RERE: variants seen among roughly 807,000 people sequenced by gnomAD.
RERE encodes arginine-glutamic acid dipeptide repeats protein.
RERE carries 40 observed loss-of-function variants against 146.1 expected under a neutral mutation model. The ratio of observed to expected loss-of-function variants is 0.27; its 90% CI spans 0.21 to 0.36. The LOEUF is 0.36. RERE is among the 10% of genes least tolerant of loss of function. The pLI is 1.00. For synonymous variants in RERE, 1,003 were observed against 866.0 expected, an observed-to-expected ratio of 1.16 and a Z score of -2.78; for missense variants, 1,933 against 2,138.7, an observed-to-expected ratio of 0.90 and a Z score of 1.90.
At chr1:8,702,465 C>G (rs947228546) in intron 1 of RERE, among the ~76,000 whole-genome samples, 1 of 152,204 alleles carries the variant, frequency 6.6e-6, no homozygotes, top group Non-Finnish European at 1.5e-5. Context: ...GCATCCCACA[C>G]TAAAAAATTC....
intron 1 of RERE, among the ~76,000 whole-genome samples, chr1:8,722,793 G>A (rs936111493): frequency 6.6e-6 from 1 of 152,134 alleles, no homozygotes; most frequent in East Asian, 1.9e-4. Flanking sequence ...ATGTGCATAG[G>A]TTACATGCAA....
intron 10 of RERE, among the ~76,000 whole-genome samples, chr1:8,492,673 G>A (rs1644993713): frequency 6.6e-6 from 1 of 152,168 alleles, no homozygotes; most frequent in Non-Finnish European, 1.5e-5. Context: ...GCCGAGGCAG[G>A]AGGATCACTT....
At chr1:8,669,030 G>C (rs1570588116) in intron 1 of RERE, among the ~76,000 whole-genome samples, 1 of 94,926 alleles carries the variant, frequency 1.1e-5, no homozygotes, top group Non-Finnish European at 2.0e-5. Flanking sequence ...AACTCTGTGT[G>C]TGTGTGTGTG....
At chr1:8,614,988 G>GCA (rs1227674186) in intron 3 of RERE, among the ~76,000 whole-genome samples, 3 of 152,286 alleles carry the variant, frequency 2.0e-5, no homozygotes, top group Admixed American at 2.0e-4. Flanking sequence ...TAGTGCCAAA[G>GCA]CACAGTTAAC....
intron 6 of RERE, among the ~76,000 whole-genome samples, chr1:8,545,808 C>T (rs1410321210): frequency 6.7e-5 from 10 of 150,046 alleles, no homozygotes; most frequent in Non-Finnish European, 8.9e-5. Flanking sequence ...TTCAGCCTCC[C>T]GAGTAGCTGG....
rs1242373220 is a variant in RERE, at chr1:8,501,031, A to AG, written c.880-3503dup. Among the ~76,000 whole-genome samples, 144 of 36,284 alleles carry AG rather than the reference A, an allele frequency of 4.0e-3. 5 individuals are homozygous for AG. Among genetic ancestry groups the AG allele is most frequent in the South Asian group, 0.011 (8 of 750 alleles). 23.8% of individuals were successfully genotyped at this position (36,284 alleles called of 152,430 possible). ...CCGCCCGGCAGCCACCCCGTCCGGG[A>AG]GGGGGGGGGGGGGTCAGCCCCCCGC... On this transcript the variant is annotated intron_variant, in intron 8 of 22. Transcript: ENST00000400908.
intron 1 of RERE, among the ~76,000 whole-genome samples, chr1:8,748,945 A>G (rs1012549253): frequency 7.2e-5 from 11 of 152,184 alleles, no homozygotes; most frequent in Non-Finnish European, 1.3e-4. Flanking sequence ...CTGGTATTTC[A>G]TAGGCATGGG....
intron 3 of RERE, among the ~76,000 whole-genome samples, chr1:8,620,246 G>C (rs1020061962): frequency 6.6e-6 from 1 of 152,268 alleles, no homozygotes; most frequent in African/African-American, 2.4e-5. Flanking sequence ...TACTCAGAGC[G>C]AACAGGATAA....
chr1:8,478,601 C>G (rs1021528982), intron 10 of RERE, among the ~76,000 whole-genome samples: 2 of 152,160 alleles, frequency 1.3e-5, no homozygotes, highest in Non-Finnish European at 2.9e-5. Context: ...TTCTGGAGGA[C>G]AGGGCTGGCC....
intron 1 of RERE, among the ~76,000 whole-genome samples, chr1:8,811,423 A>G (rs1641804068): frequency 1.3e-5 from 2 of 152,166 alleles, no homozygotes; most frequent in South Asian, 2.1e-4. Flanking sequence ...CCTGGGCAAC[A>G]TGACAAGACT....
At chr1:8,573,699 G>GTAAAATGTTCAAA (rs1553186934) in intron 4 of RERE, among the ~76,000 whole-genome samples, 2 of 152,114 alleles carry the variant, frequency 1.3e-5, no homozygotes, top group Non-Finnish European at 2.9e-5. Flanking sequence ...TCAAATTTTG[G>GTAAAATGTTCAAA]TATTGGTAAA....
At chr1:8,371,709 T>G (rs1196125504) in intron 12 of RERE, among the ~76,000 whole-genome samples, 1 of 152,198 alleles carries the variant, frequency 6.6e-6, no homozygotes, top group Non-Finnish European at 1.5e-5. Flanking sequence ...GCACAGGTCT[T>G]TAAGAGCTCC....
intron 1 of RERE, among the ~76,000 whole-genome samples, chr1:8,680,436 C>CA (rs1329760258): frequency 2.0e-5 from 3 of 152,114 alleles, no homozygotes; most frequent in Non-Finnish European, 2.9e-5. Context: ...GTGTATAAAG[C>CA]AAATTCTCGC....
chr1:8,521,478 AT>A (rs888443893), intron 7 of RERE, among the ~76,000 whole-genome samples: 17 of 151,894 alleles, frequency 1.1e-4, no homozygotes, highest in African/African-American at 1.9e-4. Context: ...CTGCATGCCT[AT>A]TTTTTTTAAT....
At chr1:8,691,734 G>C (rs981536909) in intron 1 of RERE, among the ~76,000 whole-genome samples, 2 of 152,206 alleles carry the variant, frequency 1.3e-5, no homozygotes, top group Admixed American at 6.5e-5. Flanking sequence ...ACCATCAGGA[G>C]AGCCTATCCA....
intron 7 of RERE, chr1:8,512,044 T>TTTTTTA (rs1645346806): frequency 8.1e-6 from 1 of 122,748 alleles, no homozygotes; most frequent in African/African-American, 3.5e-5. Flanking sequence ...TTTTTTTTTT[T>TTTTTTA]GAGACGGAGT....
chr1:8,377,780 G>A (rs374971996), intron 12 of RERE, among the ~76,000 whole-genome samples: 3 of 152,242 alleles, frequency 2.0e-5, no homozygotes, highest in East Asian at 1.9e-4. Context: ...GGAGCGGGAC[G>A]AACGATGAAG....
intron 1 of RERE, among the ~76,000 whole-genome samples, chr1:8,779,332 C>T (rs1641124352): frequency 6.6e-6 from 1 of 150,498 alleles, no homozygotes; most frequent in African/African-American, 2.4e-5. Flanking sequence ...TCGAGACCAG[C>T]CTGGCCAACA....
At chr1:8,383,832 C>G (rs1385654188) in intron 12 of RERE, among the ~76,000 whole-genome samples, 1 of 151,096 alleles carries the variant, frequency 6.6e-6, no homozygotes, top group Non-Finnish European at 1.5e-5. Flanking sequence ...GCACTCCAGC[C>G]TGGGTGACAA....
Sources: allele counts gnomAD v4.1 joint callset (sites outside exome capture counted in the v4.1 genomes callset), GRCh38; gene constraint gnomAD v4.1.1; transcripts MANE v1.5; gene names NCBI Gene and HGNC (gene_info 2026-07-23, HGNC 2026-07-21).